The following ATXN2 variants were observed in gnomAD, a reference collection of about 807,000 sequenced individuals.
The protein encoded by ATXN2 is ataxin 2, also known as ataxin-2.
Under a neutral mutation model 138.6 loss-of-function variants are expected in ATXN2, and 37 were observed. That is an observed-to-expected ratio of 0.27 (90% CI 0.21 to 0.35). The LOEUF (loss-of-function observed/expected upper bound fraction) is 0.35. ATXN2 is among the 10% of genes least tolerant of loss of function. ATXN2 has a pLI of 1.00. For synonymous variants in ATXN2, 549 were observed against 543.7 expected (o/e 1.01, Z -0.13); for missense variants, 1,216 against 1,480.3 (o/e 0.82, Z 2.93).
In ATXN2 at chr12:111,519,783, ATAT is replaced by A. The variant is rs1880054426; in HGVS notation, c.986+93_986+95del. On this transcript the variant is annotated intron_variant, in intron 8 of 24. Transcript: ENST00000673436. ...TCTACTTGCATTCTCTACCTAAGCT[ATAT>A]TAAAGGAAGAGGAAATATAATAACA... is the stretch of plus-strand genomic sequence containing the variant. The A allele has an allele frequency of 1.9e-6, 3 of 1,579,760 alleles. No homozygotes were observed. The African/African-American group carries it at 4.0e-5, about 21-fold the overall frequency.
intron 1 of ATXN2, among the ~76,000 whole-genome samples, chr12:111,588,220 T>TAAATAAATAAATAAAA (rs1158535650): frequency 6.6e-6 from 1 of 151,038 alleles, no homozygotes; most frequent in African/African-American, 2.4e-5. Flanking sequence ...AATAAATAAA[T>TAAATAAATAAATAAAA]AAAACAAATT....
At position 111,513,224 on chromosome 12, in the gene ATXN2, C is replaced by T. The variant is rs764820810; in HGVS notation, c.1558+133G>A. 1.2e-4 allele frequency: 129 copies of T among 1,041,630 alleles called. 1 individual carries two copies. Among genetic ancestry groups the T allele is most frequent in the Non-Finnish European group, 1.6e-4 (121 of 738,998 alleles). The allele number at this position is 1,041,630 out of a possible 1,614,324, so 64.5% of individuals were successfully genotyped here. On this transcript the variant is annotated intron_variant, in intron 11 of 24. Transcript: ENST00000673436. The stretch of plus-strand genomic sequence containing the variant: ...AGCCCAGAATAAAAATATGGGTTTC[C>T]CAATTCCTGGTGATTCTACTATTTT...
intron 1 of ATXN2, among the ~76,000 whole-genome samples, chr12:111,570,438 C>T (rs650887): frequency 0.38 from 57,178 of 152,080 alleles, 14,931 homozygotes; most frequent in East Asian, 0.9. Flanking sequence ...ACCTTATTAG[C>T]GTTTACTTTA....
chr12:111,544,586 G>A (rs1163504255), intron 5 of ATXN2, among the ~76,000 whole-genome samples: 1 of 152,150 alleles, frequency 6.6e-6, no homozygotes, highest in Non-Finnish European at 1.5e-5. Flanking sequence ...ACTTGTGTGT[G>A]GTAGCTGGCA....
chr12:111,597,111 T>TAAC (rs1296382764), intron 1 of ATXN2, among the ~76,000 whole-genome samples: 6 of 148,086 alleles, frequency 4.1e-5, no homozygotes, highest in African/African-American at 1.5e-4. Context: ...TCTGAACTAG[T>TAAC]TTGGCTAAGT....
At chr12:111,484,920 CAA>C (rs1262552323) in intron 18 of ATXN2, among the ~76,000 whole-genome samples, 1 of 152,056 alleles carries the variant, frequency 6.6e-6, no homozygotes, top group Non-Finnish European at 1.5e-5. Context: ...TTAGTAGAGA[CAA>C]AGTCTCTGTT....
chr12:111,577,882 C>T (rs570460375), intron 1 of ATXN2, among the ~76,000 whole-genome samples: 7 of 151,822 alleles, frequency 4.6e-5, no homozygotes, highest in East Asian at 3.9e-4. Context: ...AGGAGTTCAA[C>T]GCCCTGGGCA....
upstream of ATXN2, chr12:111,599,655 G>A (rs1028016593): frequency 1.9e-5 from 20 of 1,079,756 alleles, no homozygotes; most frequent in Non-Finnish European, 2.3e-5. Flanking sequence ...CGGGCGGCGC[G>A]CTGGGTTGCT....
intron 1 of ATXN2, among the ~76,000 whole-genome samples, chr12:111,559,268 T>C (rs1414120859): frequency 6.6e-6 from 1 of 151,350 alleles, no homozygotes; most frequent in Non-Finnish European, 1.5e-5. Context: ...GCCCAGATAA[T>C]TTTTGTATTC....
At chr12:111,543,852 G>T (rs1680472174) in intron 5 of ATXN2, among the ~76,000 whole-genome samples, 1 of 152,112 alleles carries the variant, frequency 6.6e-6, no homozygotes, top group African/African-American at 2.4e-5. Flanking sequence ...CAAGGTAGAG[G>T]ATTGCTTGAA....
chr12:111,539,767 T>G lies in ATXN2; in HGVS notation c.571+12513A>C, dbSNP rs892274423. Among the ~76,000 whole-genome samples the G allele has an allele frequency of 5.5e-5, 8 of 146,088 alleles. 1 individual carries two copies. The highest frequency in any genetic ancestry group is 3.4e-4 in the Admixed American group (5 of 14,600). On this transcript the variant is annotated intron_variant, in intron 5 of 24. Coordinates refer to ENST00000673436, the MANE Select transcript of ATXN2 (RefSeq NM_001372574.1). The stretch of plus-strand genomic sequence containing the variant: ...CTGTCTCAAAAATAAAAAATAAAAA[T>G]AAAAAAAGAAAAAAGAAGAAAATGA...
intron 1 of ATXN2, among the ~76,000 whole-genome samples, chr12:111,574,308 CAAAAAAAAAAAAAA>C (rs997437123): frequency 3.1e-5 from 1 of 32,594 alleles, no homozygotes; most frequent in South Asian, 1.6e-3. Flanking sequence ...ACTCTGTCTC[CAAAAAAAAAAAAAA>C]AAAAAAAAAA....
intron 1 of ATXN2, among the ~76,000 whole-genome samples, chr12:111,576,131 AT>A (rs112829556): frequency 0.01 from 1,218 of 118,558 alleles, 23 homozygotes; most frequent in African/African-American, 0.06. Context: ...ATAACATAAC[AT>A]AACATCACAC....
chr12:111,463,756 T>C (rs1403859305), intron 21 of ATXN2, among the ~76,000 whole-genome samples: 1 of 152,106 alleles, frequency 6.6e-6, no homozygotes, highest in Admixed American at 6.6e-5. Context: ...ATCTCTTGCT[T>C]AAGCTCAAGA....
At chr12:111,490,922 C>A (rs1321394127) in intron 14 of ATXN2, among the ~76,000 whole-genome samples, 1 of 152,120 alleles carries the variant, frequency 6.6e-6, no homozygotes, top group Non-Finnish European at 1.5e-5. Context: ...AGTATTTAGA[C>A]TAGCCCTAGT....
chr12:111,594,414 C>T (rs1223409692), intron 1 of ATXN2, among the ~76,000 whole-genome samples: 1 of 151,888 alleles, frequency 6.6e-6, no homozygotes, highest in Non-Finnish European at 1.5e-5. Flanking sequence ...TCTCAGCTGA[C>T]TGCAACCTCC....
chr12:111,477,645 G>A (rs995703207), intron 18 of ATXN2, among the ~76,000 whole-genome samples: 1 of 152,092 alleles, frequency 6.6e-6, no homozygotes, highest in African/African-American at 2.4e-5. Flanking sequence ...CAGACTGGGA[G>A]AAAATATTCA....
chr12:111,588,978 G>A (rs1884490151), intron 1 of ATXN2, among the ~76,000 whole-genome samples: 1 of 100,390 alleles, frequency 1.0e-5, no homozygotes, highest in Non-Finnish European at 1.8e-5. Context: ...CTGGGCGACA[G>A]AGCGAGATTT....
chr12:111,464,725 G>C lies in ATXN2; in HGVS notation c.2843-10C>G. The C allele has an allele frequency of 1.2e-6, 2 of 1,608,212 alleles. No individual in the cohort carries two copies. The highest frequency in any genetic ancestry group is 1.7e-6 in the Non-Finnish European group (2 of 1,175,434). On this transcript the variant is annotated splice_polypyrimidine_tract_variant and intron_variant, in intron 20 of 24. Coordinates refer to ENST00000673436, the MANE Select transcript of ATXN2 (RefSeq NM_001372574.1). The stretch of plus-strand genomic sequence containing the variant: ...GGTAATTTGGGACATGCTGAATTTG[G>C]GAAATAGAAAGGTAAATTAGCCTTT...
Sources: allele counts gnomAD v4.1 joint callset (sites outside exome capture counted in the v4.1 genomes callset), GRCh38; gene constraint gnomAD v4.1.1; transcripts MANE v1.5; gene names NCBI Gene and HGNC (gene_info 2026-07-23, HGNC 2026-07-21).